Variants in TRPM1 observed in about 807,000 individuals in gnomAD.
The protein encoded by TRPM1 is transient receptor potential cation channel subfamily M member 1.
Under a neutral mutation model 149.4 loss-of-function variants are expected in TRPM1, and 113 were observed. The observed-to-expected ratio is 0.76, with a 90% CI of 0.65 to 0.88. The LOEUF (loss-of-function observed/expected upper bound fraction) is 0.88, where lower values mean the gene tolerates loss of function less well. TRPM1 is among the 40% of genes least tolerant of loss of function. TRPM1 has a pLI of 0.00. For synonymous variants in TRPM1, 741 were observed against 759.5 expected (o/e 0.98, Z 0.40); for missense variants, 1,976 against 2,038.7 (o/e 0.97, Z 0.59).
At chr15:31,074,849 C>A (rs563083736) in intron 3 of TRPM1, among the ~76,000 whole-genome samples, 2 of 152,158 alleles carry the variant, frequency 1.3e-5, no homozygotes, top group Admixed American at 1.3e-4. Flanking sequence ...TACCTGCATC[C>A]CCTAAGTTTT....
chr15:31,121,182 G>A (rs2035872377), intron 1 of TRPM1, among the ~76,000 whole-genome samples: 1 of 127,236 alleles, frequency 7.9e-6, no homozygotes, highest in South Asian at 2.5e-4. Context: ...ACCAAGATGT[G>A]CCACTACACT....
chr15:31,107,456 G>C (rs2035624602), intron 1 of TRPM1, among the ~76,000 whole-genome samples: 1 of 152,042 alleles, frequency 6.6e-6, no homozygotes, highest in Admixed American at 6.6e-5. Flanking sequence ...CTGTTGTTTA[G>C]ATGGCCAGTC....
In TRPM1 at chr15:31,139,419, C is replaced by T. The variant is rs2036130393; in HGVS notation, c.54+21487G>A. The stretch of plus-strand genomic sequence containing the variant: ...ACAGGGGAGAGAAACTATTTGAAAA[C>T]CTACAAATGAATAATCTTATTAAAA... On this transcript the variant is annotated intron_variant, in intron 1 of 26. Transcript: ENST00000542188. Among the ~76,000 whole-genome samples the T allele has an allele frequency of 3.3e-5, 5 of 152,272 alleles. No individual in the cohort carries two copies. The South Asian group carries it at 1.0e-3, about 32-fold the overall frequency.
At chr15:31,081,128 C>G (rs1235829270) in intron 2 of TRPM1, among the ~76,000 whole-genome samples, 1 of 152,162 alleles carries the variant, frequency 6.6e-6, no homozygotes, top group South Asian at 2.1e-4. Context: ...TTTTGTCCCC[C>G]AGATTCCGAA....
rs1487221041 is a variant in TRPM1, at chr15:31,047,127, A to G, written c.1748T>C (p.Leu583Ser). The change falls in exon 15 of 28, where the codon TTG becomes TCG. Residue 583 changes from leucine (L) to serine (S), a missense_variant. By Grantham distance (145) the Leu-to-Ser change is moderately radical (BLOSUM62 -2). Coordinates refer to ENST00000256552, the MANE Select transcript of TRPM1 (RefSeq NM_001252024.2). ...GAGTTCTACCCTCTTTGGTCCAAAC[A>G]AGTTGTTGTAAAGGGTCCGAAAGTT... ...RKNFRTLYNN[L>S]FGPKRPKALK... 1 of 1,614,194 alleles carries G rather than the reference A, an allele frequency of 6.2e-7. No homozygotes were observed. The highest frequency in any genetic ancestry group is 2.2e-5 in the East Asian group (1 of 44,876).
At chr15:31,154,428 C>T (rs938727372) in intron 1 of TRPM1, among the ~76,000 whole-genome samples, 10 of 152,176 alleles carry the variant, frequency 6.6e-5, no homozygotes, top group African/African-American at 1.7e-4. Context: ...TGTTTTGAAT[C>T]TGAAACTGCC....
At chr15:31,099,631 T>A (rs1299266633) in intron 1 of TRPM1, among the ~76,000 whole-genome samples, 1 of 152,170 alleles carries the variant, frequency 6.6e-6, no homozygotes, top group Non-Finnish European at 1.5e-5. Context: ...ATAAATGAGG[T>A]TGCACAGAGC....
At chr15:31,015,493 TGTTA>T (rs2032328854) in intron 27 of TRPM1, among the ~76,000 whole-genome samples, 1 of 151,008 alleles carries the variant, frequency 6.6e-6, no homozygotes, top group African/African-American at 2.4e-5. Context: ...AAGCAAAAAA[TGTTA>T]GTTATAAGGA....
At chr15:31,119,601 A>G (rs887304136) in intron 1 of TRPM1, among the ~76,000 whole-genome samples, 4 of 152,214 alleles carry the variant, frequency 2.6e-5, no homozygotes, top group African/African-American at 9.6e-5. Flanking sequence ...AAGGTAAAGT[A>G]AAACCTTTTA....
intron 1 of TRPM1, among the ~76,000 whole-genome samples, chr15:31,113,490 TAA>T (rs748496286): frequency 2.6e-5 from 4 of 152,076 alleles, no homozygotes; most frequent in African/African-American, 9.7e-5. Context: ...AACAATATCT[TAA>T]AGACAGTGAC....
rs1469047753 is a variant in TRPM1 at position 31,040,984 on chromosome 15, T to C, written c.2088-638A>G. Among the ~76,000 whole-genome samples the C allele has an allele frequency of 6.6e-6, 1 of 152,148 alleles. No homozygotes were observed. The highest frequency in any genetic ancestry group is 1.9e-4 in the East Asian group (1 of 5,200). ...GTGCTATGACAGGGATGAGGCATAG[T>C]TGTCATAGGGCCCAGGCCAGAGGGC... On this transcript the variant is annotated intron_variant, in intron 17 of 27. Coordinates refer to ENST00000256552, the MANE Select transcript of TRPM1 (RefSeq NM_001252024.2). The surrounding 1 kb of genome is among the most constrained non-coding windows in gnomAD (Gnocchi z 4.2).
chr15:31,130,656 G>C (rs2141042720), intron 1 of TRPM1, among the ~76,000 whole-genome samples: 1 of 152,264 alleles, frequency 6.6e-6, no homozygotes, highest in East Asian at 1.9e-4. Context: ...GCATTCTGAT[G>C]CACCAGCTGA....
intron 1 of TRPM1, among the ~76,000 whole-genome samples, chr15:31,116,462 G>T (rs2035798754): frequency 2.0e-5 from 3 of 152,062 alleles, no homozygotes; most frequent in South Asian, 4.2e-4. Context: ...ACAAGAATTA[G>T]CTGGGTGTGG....
chr15:31,039,556 C>T (rs2033543803), intron 18 of TRPM1, among the ~76,000 whole-genome samples: 1 of 152,082 alleles, frequency 6.6e-6, no homozygotes, highest in Non-Finnish European at 1.5e-5. Context: ...TCAAGATAAC[C>T]TAGTAGTTAA....
chr15:31,042,922 C>T (rs1303626248), intron 16 of TRPM1, among the ~76,000 whole-genome samples: 1 of 152,170 alleles, frequency 6.6e-6, no homozygotes, highest in African/African-American at 2.4e-5. Flanking sequence ...TCAGACTACT[C>T]CAGGCTAATA....
intron 1 of TRPM1, among the ~76,000 whole-genome samples, chr15:31,117,131 T>C (rs2035810179): frequency 6.6e-6 from 1 of 151,484 alleles, no homozygotes; most frequent in South Asian, 2.1e-4. Context: ...GGGTGGATCA[T>C]CTGAGGTCAG....
Position 31,040,285 on chromosome 15 carries a change from C to A in TRPM1, c.2149G>T (p.Ala717Ser). The A allele has an allele frequency of 6.2e-7, 1 of 1,614,158 alleles. No homozygotes were observed. Among genetic ancestry groups the A allele is most frequent in the Non-Finnish European group, 8.5e-7 (1 of 1,180,046 alleles). Residue 717 changes from alanine to serine, a missense_variant, in exon 18 of 28, where the codon GCT becomes TCT. By Grantham distance (99) the Ala-to-Ser change is moderately conservative (BLOSUM62 1). This residue lies in a region of TRPM1 where 1,332 missense variants were observed against 1,347.1 expected (regional missense o/e 0.99). Coordinates refer to ENST00000256552, the MANE Select transcript of TRPM1 (RefSeq NM_001252024.2). The surrounding 1 kb of genome is among the most constrained non-coding windows in gnomAD (Gnocchi z 4.2). Reference sequence around the variant, plus strand: ...AGCTCGTAGGTCAGGAGTTTCATAGCGATCTGCTCGTCATGCTTATAGGAC... The same window carrying A: ...AGCTCGTAGGTCAGGAGTTTCATAGAGATCTGCTCGTCATGCTTATAGGAC... ...DQSYKHDEQI[A>S]MKLLTYELKN...
At chr15:31,125,439 G>T (rs1245555770) in intron 1 of TRPM1, among the ~76,000 whole-genome samples, 2 of 151,964 alleles carry the variant, frequency 1.3e-5, no homozygotes, top group African/African-American at 4.8e-5. Flanking sequence ...GCCATTAAAA[G>T]AATACATGCG....
At chr15:31,105,582 C>CT (rs1202034580), upstream of TRPM1, among the ~76,000 whole-genome samples, 3 of 152,304 alleles carry the variant, frequency 2.0e-5, no homozygotes, top group East Asian at 3.9e-4. Context: ...GTTTGTGTCT[C>CT]TTTTTGCTTA....
Sources: gnomAD v4.1 joint callset for allele counts (sites outside exome capture counted in the v4.1 genomes callset) on GRCh38, gnomAD v4.1.1 for gene constraint, gnomAD v4.1.1 regional missense constraint, Gnocchi (gnomAD v3.1) non-coding constraint, MANE v1.5 for transcripts, NCBI Gene and HGNC (gene_info 2026-07-23, HGNC 2026-07-21) for gene names.